Variants in ERAP1 observed in about 807,000 individuals in gnomAD.
The protein encoded by ERAP1 is adipocyte-derived leucine aminopeptidase.
In ERAP1, 86 loss-of-function variants were observed where a neutral mutation model predicts 103.7. The observed-to-expected ratio is 0.83, with a 90% CI of 0.70 to 0.99. The LOEUF (loss-of-function observed/expected upper bound fraction) is 0.99, where lower values mean the gene tolerates loss of function less well. Among genes scored for constraint, ERAP1 ranks in the 50% least tolerant of loss-of-function variants. The pLI is 0.00. For missense variants in ERAP1, 1,009 were observed against 1,128.4 expected (o/e 0.89, Z 1.52); for synonymous variants, 398 against 402.4 (o/e 0.99, Z 0.13).
the ERAP1 span, among the ~76,000 whole-genome samples, chr5:96,825,417 G>A: frequency 6.6e-6 from 1 of 152,154 alleles, no homozygotes; most frequent in African/African-American, 2.4e-5. Context: ...GTGTATCTTA[G>A]CAAATGTTCT....
At chr5:96,881,443 G>T in the ERAP1 span, 1 of 456,242 alleles carries the variant, frequency 2.2e-6, no homozygotes, top group South Asian at 1.5e-5. Flanking sequence ...TCATAGAGTG[G>T]ACGGCTTGGT....
Position 96,775,820 on chromosome 5 carries a change from C to T in ERAP1, c.*576G>A. On this transcript the variant is annotated 3_prime_UTR_variant, in exon 19 of 19. Coordinates refer to ENST00000443439, the MANE Select transcript of ERAP1 (RefSeq NM_001040458.3). Reference sequence around the variant, plus strand: ...CACCTCCACCTACTACCTCCTCCGACCCCAGCTCCAGCTCTCCGGCTCCCC... The same window carrying T: ...CACCTCCACCTACTACCTCCTCCGATCCCAGCTCCAGCTCTCCGGCTCCCC... 1 of 384,144 alleles carries T rather than the reference C, an allele frequency of 2.6e-6. No homozygotes were observed. Among genetic ancestry groups the T allele is most frequent in the Non-Finnish European group, 3.6e-6 (1 of 279,556 alleles). The allele number at this position is 384,144 out of a possible 1,614,324, so 23.8% of individuals were successfully genotyped here.
intron 18 of ERAP1, among the ~76,000 whole-genome samples, chr5:96,777,816 C>T (rs987777218): frequency 1.3e-5 from 2 of 152,226 alleles, no homozygotes; most frequent in African/African-American, 4.8e-5. Flanking sequence ...AACCATTACT[C>T]TTACCCTTGT....
chr5:96,786,749 G>T, intron 11 of ERAP1, 200 bp from the exon 12 acceptor site: 2 of 563,540 alleles, frequency 3.5e-6, no homozygotes, highest in South Asian at 2.0e-5. Flanking sequence ...CCTTTTCTTG[G>T]ACTCCTTGAG....
At chr5:96,764,953 G>A (rs975585216) in intron 19 of ERAP1, among the ~76,000 whole-genome samples, 11 of 152,054 alleles carry the variant, frequency 7.2e-5, no homozygotes, top group African/African-American at 2.7e-4. Context: ...CCTTAACCTG[G>A]TGGGATCTTC....
the ERAP1 span, chr5:96,884,021 C>G: frequency 8.0e-7 from 1 of 1,249,212 alleles, no homozygotes; most frequent in Non-Finnish European, 1.1e-6. Context: ...GGATTTCAGC[C>G]ATTAATTTGT....
chr5:96,896,709 A>G, the ERAP1 span: 1 of 1,548,476 alleles, frequency 6.5e-7, no homozygotes. Flanking sequence ...CTCTTTTTTC[A>G]ACTCTTTTGT....
rs902844064 is a variant in ERAP1, at chr5:96,801,624, C to T, written c.525-624G>A. ...ATCTTGGCACTTTGAGAGGCCTAGG[C>T]GGGCGGATCACGAGGACAGGAGTTC... On this transcript the variant is annotated intron_variant, in intron 2 of 18. Coordinates refer to ENST00000443439, the MANE Select transcript of ERAP1 (RefSeq NM_001040458.3). Among the ~76,000 whole-genome samples, 11 of 151,584 alleles carry T rather than the reference C, an allele frequency of 7.3e-5. No homozygotes were observed. The East Asian group carries it at 9.7e-4, about 13-fold the overall frequency.
chr5:96,903,947 T>C, the ERAP1 span, among the ~76,000 whole-genome samples: 33 of 152,218 alleles, frequency 2.2e-4, no homozygotes, highest in Non-Finnish European at 4.4e-4. Flanking sequence ...GCCTGTTTCA[T>C]TCACTTAGTG....
rs1775002600 is a variant in ERAP1, at chr5:96,780,465, C to A, written c.2628G>T (p.Met876Ile). ...LGSSSIAHMV[M>I]GTTNQFSTRT... Reference sequence around the variant, plus strand: ...TTGTGGAGAATTGATTTGTTGTACCCATTACCATGTGGGCTATGGAAGATG... The same window carrying A: ...TTGTGGAGAATTGATTTGTTGTACCAATTACCATGTGGGCTATGGAAGATG... Residue 876 changes from methionine (M) to isoleucine (I), a missense_variant, in exon 18 of 19, where the codon ATG becomes ATT. Met to Ile is a conservative substitution (Grantham distance 10). This residue lies in a region of ERAP1 where 611 missense variants were observed against 651.7 expected (regional missense o/e 0.94). Transcript: ENST00000443439. 1 of 1,613,372 alleles carries A rather than the reference C, an allele frequency of 6.2e-7. No individual in the cohort carries two copies. The highest frequency in any genetic ancestry group is 8.5e-7 in the Non-Finnish European group (1 of 1,179,746).
intron 15 of ERAP1, among the ~76,000 whole-genome samples, chr5:96,782,268 C>T (rs1775320809): frequency 2.6e-5 from 4 of 152,224 alleles, no homozygotes; most frequent in Admixed American, 2.0e-4. Flanking sequence ...CTCAGCCTCC[C>T]AAAGTGCTGG....
At chr5:96,792,248 G>T in intron 7 of ERAP1, 56 bp from the exon 8 acceptor site, 2 of 1,574,028 alleles carry the variant, frequency 1.3e-6, no homozygotes, top group Non-Finnish European at 1.7e-6. Context: ...GATAAAAAAT[G>T]TCAAAGGTGG....
the ERAP1 span, among the ~76,000 whole-genome samples, chr5:96,875,104 C>T: frequency 6.6e-6 from 1 of 152,086 alleles, no homozygotes; most frequent in Admixed American, 6.6e-5. Context: ...CTGGTGGCAT[C>T]GTACAAGTAA....
the ERAP1 span, among the ~76,000 whole-genome samples, chr5:96,847,247 C>CAAA: frequency 4.1e-3 from 352 of 84,998 alleles, 3 homozygotes; most frequent in African/African-American, 0.016. Flanking sequence ...GACTCCATCT[C>CAAA]AAAAAAAAAA....
the ERAP1 span, among the ~76,000 whole-genome samples, chr5:96,900,802 A>G: frequency 7.2e-5 from 11 of 151,988 alleles, no homozygotes; most frequent in African/African-American, 2.4e-4. Flanking sequence ...TCAGCCTCCC[A>G]AGTAGCTGGG....
At chr5:96,929,184 T>C in the ERAP1 span, among the ~76,000 whole-genome samples, 2 of 152,198 alleles carry the variant, frequency 1.3e-5, no homozygotes, top group Non-Finnish European at 2.9e-5. Flanking sequence ...CTTGGCCCTC[T>C]TGCAAGTGTA....
intron 5 of ERAP1, 86 bp downstream of exon 5, chr5:96,794,956 C>A: frequency 2.0e-6 from 3 of 1,515,748 alleles, no homozygotes; most frequent in Non-Finnish European, 2.7e-6. Context: ...GCTGCTGAGG[C>A]AACTACAGGG....
the ERAP1 span, chr5:96,881,490 G>A: frequency 2.2e-6 from 1 of 456,138 alleles, no homozygotes; most frequent in Non-Finnish European, 4.4e-6. Context: ...GGTAAGAGGA[G>A]TCTGGCTCAG....
the ERAP1 span, among the ~76,000 whole-genome samples, chr5:96,849,779 A>G: frequency 0.048 from 7,272 of 152,322 alleles, 213 homozygotes; most frequent in South Asian, 0.11. Flanking sequence ...TCACAGAACC[A>G]CAAAAGACCC....
Sources: gnomAD v4.1 joint callset for allele counts (sites outside exome capture counted in the v4.1 genomes callset) on GRCh38, gnomAD v4.1.1 for gene constraint, gnomAD v4.1.1 regional missense constraint, MANE v1.5 for transcripts, NCBI Gene and HGNC (gene_info 2026-07-23, HGNC 2026-07-21) for gene names.